Variants in OARD1 observed in about 807,000 individuals in gnomAD.
OARD1 encodes O-acyl-ADP-ribose deacylase 1.
OARD1 carries 19 observed loss-of-function variants against 19.7 expected under a neutral mutation model. That is an observed-to-expected ratio of 0.96 (90% CI 0.67 to 1.41). OARD1 has a LOEUF of 1.41. Among genes scored for constraint, OARD1 ranks in the 40% most tolerant of loss-of-function variants. The probability of loss-of-function intolerance (pLI) is 0.00; values close to 1 mark genes in which losing one functional copy is unlikely to be tolerated. For missense variants in OARD1, 190 were observed against 183.8 expected, an observed-to-expected ratio of 1.03 and a Z score of -0.20; for synonymous variants, 70 against 61.8, an observed-to-expected ratio of 1.13 and a Z score of -0.62.
In OARD1 at chr6:41,067,071, G is replaced by A. The variant is rs1763046966; in HGVS notation, c.*264C>T. 1.3e-5 allele frequency: 3 copies of A among 233,970 alleles called. No homozygotes were observed. Among genetic ancestry groups the A allele is most frequent in the African/African-American group, 6.8e-5 (3 of 44,438 alleles). The allele number at this position is 233,970 out of a possible 1,614,324, so 14.5% of individuals were successfully genotyped here. On this transcript the variant is annotated 3_prime_UTR_variant, in exon 6 of 6. Transcript: ENST00000424266. ...TAGCATACTGGAGAAAAAGGTCATA[G>A]TCCCGACAATCTGGTTTCCCTGCCT... is the stretch of plus-strand genomic sequence containing the variant.
At chr6:41,068,623 C>T (rs1763151030) in intron 5 of OARD1, among the ~76,000 whole-genome samples, 1 of 152,236 alleles carries the variant, frequency 6.6e-6, no homozygotes, top group African/African-American at 2.4e-5. Context: ...ATGTATATTT[C>T]AAGGTAATTG....
intron 1 of OARD1, chr6:41,080,701 A>T: frequency 1.2e-6 from 1 of 828,700 alleles, no homozygotes; most frequent in Non-Finnish European, 2.0e-6. Flanking sequence ...GTACATTTTG[A>T]AAGTCCTTCA....
chr6:41,090,606 G>C (rs1044925120), intron 1 of OARD1, among the ~76,000 whole-genome samples: 3 of 152,188 alleles, frequency 2.0e-5, no homozygotes, highest in Admixed American at 1.3e-4. Context: ...TTGGTAAAGA[G>C]AGAAATAGAT....
chr6:41,067,212 C>A lies in OARD1; in HGVS notation c.*123G>T. On this transcript the variant is annotated 3_prime_UTR_variant, in exon 6 of 6. Coordinates refer to ENST00000424266, the MANE Select transcript of OARD1 (RefSeq NM_001329686.2). ...CTTGAATACAGCAACCAAAGTCTGTCTTGTTAAACACACTACTTCTCATGA... is the reference window on the plus strand; with the variant it reads ...CTTGAATACAGCAACCAAAGTCTGTATTGTTAAACACACTACTTCTCATGA... The A allele has an allele frequency of 1.8e-6, 1 of 542,638 alleles. No homozygotes were observed. Among genetic ancestry groups the A allele is most frequent in the South Asian group, 2.7e-5 (1 of 37,514 alleles). The allele number at this position is 542,638 out of a possible 1,614,324, so 33.6% of individuals were successfully genotyped here. A position where few individuals can be genotyped will look rare whatever the true frequency, so the allele number is the denominator to read the frequency against.
At chr6:41,080,785 C>T in intron 1 of OARD1, 8 of 1,593,072 alleles carry the variant, frequency 5.0e-6, no homozygotes, top group Non-Finnish European at 6.9e-6. Context: ...TGACATATTT[C>T]AAGCTCTTCC....
intron 1 of OARD1, chr6:41,097,579 C>A: frequency 1.6e-6 from 1 of 633,936 alleles, no homozygotes. Context: ...CGATGCCTGG[C>A]AAATTGAAGT....
At chr6:41,077,564 T>G (rs372790433), upstream of OARD1, among the ~76,000 whole-genome samples, 120 of 152,320 alleles carry the variant, frequency 7.9e-4, 5 homozygotes, top group South Asian at 0.023. Context: ...AGAGACAAGA[T>G]AGAATTTAGG....
intron 4 of OARD1, 44 bp from the exon 5 acceptor site, chr6:41,068,997 C>A: frequency 9.1e-7 from 1 of 1,097,598 alleles, no homozygotes; most frequent in Non-Finnish European, 1.3e-6. Context: ...AAAATGATAG[C>A]CAAAGAAAAG....
intron 1 of OARD1, among the ~76,000 whole-genome samples, chr6:41,089,985 C>A (rs554323766): frequency 2.6e-5 from 4 of 152,136 alleles, no homozygotes; most frequent in Admixed American, 6.5e-5. Context: ...GTGGCGCATG[C>A]CTGTAATCCC....
In OARD1 at chr6:41,067,111, T is replaced by C. The variant is rs1337605293; in HGVS notation, c.*224A>G. 2 of 318,624 alleles carry C rather than the reference T, an allele frequency of 6.3e-6. 1 individual carries two copies. Among genetic ancestry groups the C allele is most frequent in the Admixed American group, 9.4e-5 (2 of 21,374 alleles). The allele number at this position is 318,624 out of a possible 1,614,324, so 19.7% of individuals were successfully genotyped here. ...TTTCCCTGCCTATTATCAAGCCACC[T>C]AACTCCTTACTTTTCCACAAAAAAA... On this transcript the variant is annotated 3_prime_UTR_variant, in exon 6 of 6. Coordinates refer to ENST00000424266, the MANE Select transcript of OARD1 (RefSeq NM_001329686.2).
intron 3 of OARD1, among the ~76,000 whole-genome samples, chr6:41,070,437 T>C (rs1763272424): frequency 6.6e-6 from 1 of 152,334 alleles, no homozygotes; most frequent in South Asian, 2.1e-4. Flanking sequence ...TGCCTTGAAA[T>C]TGTTTTATAG....
At position 41,064,890 on chromosome 6, in the gene OARD1, C is replaced by T. The variant is rs1762947007; in HGVS notation, c.*2445G>A. ...AATACATGGTGTTTGATGGTAATGG[C>T]AGGATGATGTCAAGTCTCTCTTTTT... On this transcript the variant is annotated 3_prime_UTR_variant, in exon 6 of 6. Transcript: ENST00000424266. 6.6e-6 allele frequency: 1 copy of T among 151,016 alleles called. No individual in the cohort carries two copies. The highest frequency in any genetic ancestry group is 1.5e-5 in the Non-Finnish European group (1 of 67,890). The allele number at this position is 151,016 out of a possible 1,614,324, so 9.4% of individuals were successfully genotyped here. A position where few individuals can be genotyped will look rare whatever the true frequency, so the allele number is the denominator to read the frequency against.
chr6:41,080,911 T>A (rs1347679060), intron 1 of OARD1: 2 of 1,604,078 alleles, frequency 1.2e-6, no homozygotes, highest in Non-Finnish European at 1.7e-6. Flanking sequence ...GTACCCTCTC[T>A]GATTCTCTGT....
At position 41,065,522 on chromosome 6, in the gene OARD1, T is replaced by C. The variant is rs1762973847; in HGVS notation, c.*1813A>G. ...TCACTTTCAATTTTGTGTATTTAGA[T>C]AATCTCTCCTTCCTTTTTCCCTTCA... On this transcript the variant is annotated 3_prime_UTR_variant, in exon 6 of 6. Coordinates refer to ENST00000424266, the MANE Select transcript of OARD1 (RefSeq NM_001329686.2). 6.6e-6 allele frequency: 1 copy of C among 152,236 alleles called. No homozygotes were observed. The highest frequency in any genetic ancestry group is 6.5e-5 in the Admixed American group (1 of 15,288). The allele number at this position is 152,236 out of a possible 1,614,324, so 9.4% of individuals were successfully genotyped here.
At chr6:41,081,040 T>C (rs1763891122) in intron 1 of OARD1, 2 of 592,526 alleles carry the variant, frequency 3.4e-6, no homozygotes, top group Admixed American at 2.8e-5. Flanking sequence ...TTGAGGCTTA[T>C]AAGATGCCAG....
upstream of OARD1, among the ~76,000 whole-genome samples, chr6:41,074,497 TATC>T (rs1763674824): frequency 6.6e-6 from 1 of 152,232 alleles, no homozygotes; most frequent in East Asian, 1.9e-4. Flanking sequence ...GTGAAAGGCT[TATC>T]ACCACCGCAC....
At chr6:41,079,071 AAT>A (rs1175602347) in intron 1 of OARD1, 1 of 1,612,242 alleles carries the variant, frequency 6.2e-7, no homozygotes, top group East Asian at 2.2e-5. Flanking sequence ...AGTGGACAGG[AAT>A]CTCACTTGGA....
intron 1 of OARD1, among the ~76,000 whole-genome samples, chr6:41,090,717 G>A (rs1049300533): frequency 6.6e-6 from 1 of 152,164 alleles, no homozygotes; most frequent in Non-Finnish European, 1.5e-5. Context: ...CTTTTACTAA[G>A]AAGGGTCCTC....
intron 1 of OARD1, chr6:41,089,691 T>A: frequency 6.2e-7 from 1 of 1,612,584 alleles, no homozygotes; most frequent in Middle Eastern, 2.0e-4. Context: ...CAGACGGCTG[T>A]CACTGCTGGC....
Sources: gnomAD v4.1 joint callset for allele counts (sites outside exome capture counted in the v4.1 genomes callset) on GRCh38, gnomAD v4.1.1 for gene constraint, MANE v1.5 for transcripts, NCBI Gene and HGNC (gene_info 2026-07-23, HGNC 2026-07-21) for gene names.